JARID2: variants seen among roughly 807,000 people sequenced by gnomAD.
JARID2 encodes protein Jumonji.
Under a neutral mutation model 125.6 loss-of-function variants are expected in JARID2, and 21 were observed. That is an observed-to-expected ratio of 0.17 (90% CI 0.12 to 0.24). The LOEUF (loss-of-function observed/expected upper bound fraction) is 0.24, where lower values mean the gene tolerates loss of function less well. JARID2 is among the 10% of genes least tolerant of loss of function. JARID2 has a pLI of 1.00. For missense variants in JARID2, 1,303 were observed against 1,639.6 expected (o/e 0.79, Z 3.55); for synonymous variants, 736 against 661.6 (o/e 1.11, Z -1.73).
chr6:15,254,300 C>T (rs1331549093), intron 1 of JARID2, among the ~76,000 whole-genome samples: 1 of 152,162 alleles, frequency 6.6e-6, no homozygotes, highest in Non-Finnish European at 1.5e-5. Context: ...CTGCAGTTCT[C>T]CAGACTTGCA....
chr6:15,470,630 T>C (rs972106252), intron 5 of JARID2, among the ~76,000 whole-genome samples: 16 of 152,172 alleles, frequency 1.1e-4, no homozygotes, highest in Admixed American at 9.2e-4. Flanking sequence ...TAGGTTCTTG[T>C]GGTTTAATTG....
rs1771822141 is a variant in JARID2, at chr6:15,521,083, A to AGG, written c.*832_*833insGG. The AGG allele has an allele frequency of 6.2e-6, 1 of 160,190 alleles. No individual in the cohort carries two copies. The highest frequency in any genetic ancestry group is 1.4e-5 in the Non-Finnish European group (1 of 72,888). The allele number at this position is 160,190 out of a possible 1,614,324, so 9.9% of individuals were successfully genotyped here. On this transcript the variant is annotated 3_prime_UTR_variant, in exon 18 of 18. Coordinates refer to ENST00000341776, the MANE Select transcript of JARID2 (RefSeq NM_004973.4). ...CATCCTTAAGATTTAAAAAAAAAAA[A>AGG]AAAAAAAAGGAAAAAAAAGTGATGG...
At chr6:15,395,407 A>G (rs958139587) in intron 2 of JARID2, among the ~76,000 whole-genome samples, 24 of 151,740 alleles carry the variant, frequency 1.6e-4, no homozygotes, top group Non-Finnish European at 3.2e-4. Flanking sequence ...TTGGGACTAC[A>G]GGCGTGCACC....
rs541955803 is a variant in JARID2, at chr6:15,323,465, G to A, written c.46-50652G>A. Among the ~76,000 whole-genome samples the A allele has an allele frequency of 4.6e-5, 7 of 152,238 alleles. No individual in the cohort carries two copies. The East Asian group carries it at 7.7e-4, about 17-fold the overall frequency. ...CTTTTCCCTTGACAGCAAACTTGTC[G>A]TCTTTTGTCTTGAACTTTATTGCTC... On this transcript the variant is annotated intron_variant, in intron 1 of 17. Coordinates refer to ENST00000341776, the MANE Select transcript of JARID2 (RefSeq NM_004973.4).
chr6:15,335,626 A>C lies in JARID2; in HGVS notation c.46-38491A>C, dbSNP rs142836587. On this transcript the variant is annotated intron_variant, in intron 1 of 17. Coordinates refer to ENST00000341776, the MANE Select transcript of JARID2 (RefSeq NM_004973.4). ...CCCCTTTCTCTGCCTGCCTGTCCAC[A>C]TTGAGGTGTCCCTGGGGGGTGTCTT... Among the ~76,000 whole-genome samples the C allele has an allele frequency of 9.9e-4, 151 of 152,144 alleles. No individual in the cohort carries two copies. The East Asian group carries it at 0.023, about 23-fold the overall frequency.
At chr6:15,277,658 T>C (rs1018908975) in intron 1 of JARID2, among the ~76,000 whole-genome samples, 10 of 152,156 alleles carry the variant, frequency 6.6e-5, no homozygotes, top group African/African-American at 2.2e-4. Context: ...ATGGGACTTT[T>C]GTTAATTCAG....
chr6:15,397,516 A>AATT (rs1765263806), intron 2 of JARID2, among the ~76,000 whole-genome samples: 1 of 152,186 alleles, frequency 6.6e-6, no homozygotes, highest in African/African-American at 2.4e-5. Flanking sequence ...TTGAGGTGAT[A>AATT]ATTAGGTGGA....
At chr6:15,470,766 A>C (rs1769037965) in intron 5 of JARID2, among the ~76,000 whole-genome samples, 1 of 152,360 alleles carries the variant, frequency 6.6e-6, no homozygotes, top group African/African-American at 2.4e-5. Context: ...ATTGGAATGC[A>C]GGTATTAGTG....
intron 6 of JARID2, among the ~76,000 whole-genome samples, chr6:15,495,043 G>T (rs548250267): frequency 6.6e-6 from 1 of 152,316 alleles, no homozygotes; most frequent in South Asian, 2.1e-4. Flanking sequence ...TGAAGTCCCT[G>T]ACTTTAACCT....
chr6:15,505,354 T>G (rs1390854583), intron 9 of JARID2: 2 of 151,424 alleles, frequency 1.3e-5, no homozygotes, highest in Admixed American at 6.6e-5. Context: ...TGTGTTTTTT[T>G]TTTTTTTTTT....
intron 2 of JARID2, among the ~76,000 whole-genome samples, chr6:15,382,273 C>T (rs1000387088): frequency 1.3e-5 from 2 of 152,114 alleles, no homozygotes; most frequent in Non-Finnish European, 2.9e-5. Context: ...AAAACAGAAC[C>T]AAAAACCCCA....
chr6:15,392,394 C>G (rs1008476376), intron 2 of JARID2, among the ~76,000 whole-genome samples: 2 of 152,132 alleles, frequency 1.3e-5, no homozygotes, highest in Non-Finnish European at 2.9e-5. Flanking sequence ...GATTTGTCAG[C>G]CTGCTGCTGC....
At chr6:15,430,400 A>G (rs1766920101) in intron 3 of JARID2, among the ~76,000 whole-genome samples, 1 of 152,238 alleles carries the variant, frequency 6.6e-6, no homozygotes, top group South Asian at 2.1e-4. Flanking sequence ...AAACATTTAA[A>G]CAGAAAACAA....
At chr6:15,305,364 T>C (rs1761782927) in intron 1 of JARID2, among the ~76,000 whole-genome samples, 1 of 152,200 alleles carries the variant, frequency 6.6e-6, no homozygotes, top group Non-Finnish European at 1.5e-5. Flanking sequence ...GTGCTGGCTC[T>C]GGCTAATTCT....
chr6:15,273,531 A>G (rs1465815730), intron 1 of JARID2, among the ~76,000 whole-genome samples: 1 of 152,176 alleles, frequency 6.6e-6, no homozygotes, highest in Admixed American at 6.5e-5. Flanking sequence ...GAGAAACCCC[A>G]TCTCTACTAA....
At chr6:15,502,375 T>G (rs1770783836) in intron 8 of JARID2, among the ~76,000 whole-genome samples, 1 of 152,218 alleles carries the variant, frequency 6.6e-6, no homozygotes, top group African/African-American at 2.4e-5. Context: ...CGGCACAGAC[T>G]TGTCCTCTGT....
rs760934133 is a variant in JARID2 at position 15,246,593 on chromosome 6, T to C, written c.45+9T>C. 3.1e-6 allele frequency: 5 copies of C among 1,608,326 alleles called. No homozygotes were observed. Among genetic ancestry groups the C allele is most frequent in the African/African-American group, 1.3e-5 (1 of 74,848 alleles). On this transcript the variant is annotated intron_variant, in intron 1 of 17. Transcript: ENST00000341776. ...TCATTCAGAAGAAATACGTAAGTGC[T>C]CCTAACAACACATCCTTTGACTTGC...
intron 1 of JARID2, among the ~76,000 whole-genome samples, chr6:15,298,784 C>T (rs1015691124): frequency 1.3e-5 from 2 of 151,722 alleles, no homozygotes; most frequent in East Asian, 1.9e-4. Flanking sequence ...TTGCCTTTTC[C>T]AGTTTCCCTG....
chr6:15,492,135 A>T (rs1581638158), intron 6 of JARID2, among the ~76,000 whole-genome samples: 1 of 152,360 alleles, frequency 6.6e-6, no homozygotes, highest in East Asian at 1.9e-4. Flanking sequence ...CAAGGAGCAC[A>T]CGCTGCAGAC....
Sources: allele counts gnomAD v4.1 joint callset (sites outside exome capture counted in the v4.1 genomes callset), GRCh38; gene constraint gnomAD v4.1.1; transcripts MANE v1.5; gene names NCBI Gene and HGNC (gene_info 2026-07-23, HGNC 2026-07-21).